PLCB3: variants seen among roughly 807,000 people sequenced by gnomAD.
The protein encoded by PLCB3 is 1-phosphatidylinositol 4,5-bisphosphate phosphodiesterase beta-3.
A neutral mutation model predicts 152.1 loss-of-function variants in PLCB3; 54 were observed. The observed-to-expected ratio is 0.36, with a 90% CI of 0.29 to 0.45. PLCB3 has a LOEUF of 0.45. Among genes scored for constraint, PLCB3 ranks in the 20% least tolerant of loss-of-function variants. The probability of loss-of-function intolerance (pLI) is 1.00; values close to 1 mark genes in which losing one functional copy is unlikely to be tolerated. For missense variants in PLCB3, 1,248 were observed against 1,687.5 expected (o/e 0.74, Z 4.56); for synonymous variants, 717 against 698.7 (o/e 1.03, Z -0.41).
Position 64,255,094 on chromosome 11 carries a change from C to A in PLCB3, c.387+56C>A. 6.4e-7 allele frequency: 1 copy of A among 1,561,426 alleles called. No individual in the cohort carries two copies. Among genetic ancestry groups the A allele is most frequent in the South Asian group, 1.1e-5 (1 of 87,592 alleles). On this transcript the variant is annotated intron_variant, in intron 4 of 30. Coordinates refer to ENST00000279230, the MANE Select transcript of PLCB3 (RefSeq NM_000932.5). The surrounding 1 kb of genome is among the most constrained non-coding windows in gnomAD (Gnocchi z 6.8). ...GTCACTGTCTTATTCTGTGAGTCGG[C>A]CGTCACTTACCGAACACCTGCTGTG...
At position 64,255,094 on chromosome 11, in the gene PLCB3, C is replaced by T; in HGVS notation, c.387+56C>T. 1 of 1,561,422 alleles carries T rather than the reference C, an allele frequency of 6.4e-7. No individual in the cohort carries two copies. The highest frequency in any genetic ancestry group is 1.4e-5 in the African/African-American group (1 of 74,036). Reference sequence around the variant, plus strand: ...GTCACTGTCTTATTCTGTGAGTCGGCCGTCACTTACCGAACACCTGCTGTG... The same window carrying T: ...GTCACTGTCTTATTCTGTGAGTCGGTCGTCACTTACCGAACACCTGCTGTG... On this transcript the variant is annotated intron_variant, in intron 4 of 30. Coordinates refer to ENST00000279230, the MANE Select transcript of PLCB3 (RefSeq NM_000932.5). This position sits in a 1 kb window ranked among gnomAD's most constrained non-coding sequence, Gnocchi z 6.8.
chr11:64,267,815 T>G lies in PLCB3; in HGVS notation c.*259T>G. On this transcript the variant is annotated 3_prime_UTR_variant, in exon 31 of 31. Transcript: ENST00000279230. This position sits in a 1 kb window ranked among gnomAD's most constrained non-coding sequence, Gnocchi z 5.2. Reference sequence around the variant, plus strand: ...CCTCGAGCTAGCAGCGTCTCCTCCCTTCCCCGGGAGAGCTGGCTGGAGACT... The same window carrying G: ...CCTCGAGCTAGCAGCGTCTCCTCCCGTCCCCGGGAGAGCTGGCTGGAGACT... The G allele has an allele frequency of 1.2e-5, 5 of 431,238 alleles. No individual in the cohort carries two copies. The highest frequency in any genetic ancestry group is 2.1e-5 in the African/African-American group (1 of 48,424). The allele number at this position is 431,238 out of a possible 1,614,324, so 26.7% of individuals were successfully genotyped here.
chr11:64,252,322 G>T (rs1183323412), intron 1 of PLCB3, among the ~76,000 whole-genome samples: 1 of 151,558 alleles, frequency 6.6e-6, no homozygotes, highest in Non-Finnish European at 1.5e-5. Context: ...TGGAGACTTT[G>T]CCCCCCAAGT....
chr11:64,254,841 G>A (rs2031431607), intron 3 of PLCB3, 25 bp downstream of exon 3: 2 of 1,613,748 alleles, frequency 1.2e-6, no homozygotes, highest in Non-Finnish European at 1.7e-6. Context: ...TGGGAGTGAA[G>A]ACCACAGCGA....
intron 21 of PLCB3, 109 bp from the exon 22 acceptor site, chr11:64,263,912 G>T (rs1279000715): frequency 1.7e-6 from 2 of 1,186,642 alleles, no homozygotes; most frequent in Non-Finnish European, 2.5e-6. Context: ...ACTGAGTAGG[G>T]AACAGATCTG....
chr11:64,251,779 TC>T, intron 1 of PLCB3, 31 bp downstream of exon 1: 1 of 1,249,336 alleles, frequency 8.0e-7, no homozygotes, highest in Non-Finnish European at 1.1e-6. Flanking sequence ...TCCGCCCAAA[TC>T]CCGGGACTCT....
At chr11:64,254,850 G>A (rs1342540934) in intron 3 of PLCB3, 34 bp downstream of exon 3, 5 of 1,613,678 alleles carry the variant, frequency 3.1e-6, no homozygotes, top group South Asian at 2.2e-5. Context: ...AGACCACAGC[G>A]AGGCTGTGCG....
At chr11:64,259,885 G>C (rs1197151425) in intron 13 of PLCB3, 144 bp from the exon 14 acceptor site, 3 of 679,100 alleles carry the variant, frequency 4.4e-6, no homozygotes, top group Non-Finnish European at 7.6e-6. Context: ...CGACCTCTTG[G>C]CCTCTCCCCA....
At position 64,267,793 on chromosome 11, in the gene PLCB3, C is replaced by G. The variant is rs117423477; in HGVS notation, c.*237C>G. On this transcript the variant is annotated 3_prime_UTR_variant, in exon 31 of 31. Transcript: ENST00000279230. The surrounding 1 kb of genome is among the most constrained non-coding windows in gnomAD (Gnocchi z 5.2). ...TTGCTCCCTGTGACACCCACACCCT[C>G]GAGCTAGCAGCGTCTCCTCCCTTCC... The G allele has an allele frequency of 2.3e-5, 11 of 483,768 alleles. No individual in the cohort carries two copies. In the South Asian group the frequency reaches 3.7e-4, roughly 16 times the overall value. 30.0% of individuals were successfully genotyped at this position (483,768 alleles called of 1,614,324 possible).
chr11:64,266,230 G>A lies in PLCB3; in HGVS notation c.3266+28G>A, dbSNP rs1312889301. On this transcript the variant is annotated intron_variant, in intron 27 of 30. Coordinates refer to ENST00000279230, the MANE Select transcript of PLCB3 (RefSeq NM_000932.5). The surrounding 1 kb of genome is among the most constrained non-coding windows in gnomAD (Gnocchi z 4.9). ...GAAAGCCGAGGATTGTCTATGGGAA[G>A]GGCTGGGGACTTCTAGTACCAGAAG... The A allele has an allele frequency of 6.2e-7, 1 of 1,613,890 alleles. No individual in the cohort carries two copies. The highest frequency in any genetic ancestry group is 1.7e-5 in the Admixed American group (1 of 60,006).
chr11:64,262,076 G>A lies in PLCB3; in HGVS notation c.2038G>A (p.Asp680Asn). The change falls in exon 17 of 31, where the codon GAT becomes AAT. Residue 680 changes from aspartate to asparagine, a missense_variant and splice_region_variant. Transcript: ENST00000279230. ...QLVALNFQTL[D>N]VAMQLNAGVF... ...TGTTGCGCTCAACTTCCAGACCCTC[G>A]GTGAGCCCTGGCCCCCTCCATCTTG... 3 of 1,614,036 alleles carry A rather than the reference G, an allele frequency of 1.9e-6. No homozygotes were observed. The highest frequency in any genetic ancestry group is 2.5e-6 in the Non-Finnish European group (3 of 1,179,990).
At chr11:64,264,267 A>G (rs2032002035) in intron 22 of PLCB3, among the ~76,000 whole-genome samples, 155 bp downstream of exon 22, 1 of 152,168 alleles carries the variant, frequency 6.6e-6, no homozygotes, top group African/African-American at 2.4e-5. Context: ...ACCCATTTGC[A>G]TTCAGGAGGC....
chr11:64,259,868 C>T (rs1257299549), intron 13 of PLCB3, among the ~76,000 whole-genome samples, 161 bp from the exon 14 acceptor site: 1 of 152,178 alleles, frequency 6.6e-6, no homozygotes, highest in Non-Finnish European at 1.5e-5. Context: ...TTAATACCAT[C>T]TGACCTCGAC....
chr11:64,263,378 A>G, intron 19 of PLCB3, 120 bp from the exon 20 acceptor site: 1 of 639,524 alleles, frequency 1.6e-6, no homozygotes, highest in Non-Finnish European at 2.7e-6. Context: ...ACTGATGGTC[A>G]GTAGGTCAGC....
intron 25 of PLCB3, 22 bp from the exon 26 acceptor site, chr11:64,265,863 AC>A (rs1199162564): frequency 7.5e-6 from 12 of 1,609,802 alleles, no homozygotes; most frequent in Admixed American, 1.7e-5. Context: ...CCCAGGCATC[AC>A]CCAGAGGGGT....
Position 64,265,373 on chromosome 11 carries a change from G to A in PLCB3, c.2906G>A (p.Arg969Gln), listed in dbSNP as rs746011802. The A allele has an allele frequency of 8.7e-6, 14 of 1,611,864 alleles. No homozygotes were observed. Among genetic ancestry groups the A allele is most frequent in the Admixed American group, 6.7e-5 (4 of 59,942 alleles). ...AAGGCTCTGGTCAAGCTCCGGAGCC[G>A]GCAAGAGCGAGACCTGCGGGAGCTG... is the stretch of plus-strand genomic sequence containing the variant. ...GHKALVKLRS[R>Q]QERDLRELRK... The change falls in exon 25 of 31, where the codon CGG becomes CAG. Residue 969 changes from arginine to glutamine, a missense_variant. By Grantham distance (43) the Arg-to-Gln change is conservative (BLOSUM62 1). Around this residue, in one of 6 missense-constraint regions of PLCB3, gnomAD observed 477 missense variants for 489.6 expected, o/e 0.97. Coordinates refer to ENST00000279230, the MANE Select transcript of PLCB3 (RefSeq NM_000932.5).
chr11:64,260,746 G>A (rs760443725), intron 14 of PLCB3, among the ~76,000 whole-genome samples: 39 of 134,202 alleles, frequency 2.9e-4, no homozygotes, highest in Admixed American at 7.7e-4. Context: ...GCACTCCAAC[G>A]TGGGCTAAAA....
At chr11:64,254,853 G>T (rs2849004) in intron 3 of PLCB3, 37 bp downstream of exon 3, 1 of 1,613,804 alleles carries the variant, frequency 6.2e-7, no homozygotes, top group South Asian at 1.1e-5. Flanking sequence ...CCACAGCGAG[G>T]CTGTGCGGGA....
chr11:64,266,029 A>C lies in PLCB3; in HGVS notation c.3179A>C (p.His1060Pro). ...VDAEAQRRLE[H>P]LRQALQRLRE... ...GCAGAGGCCCAGCGGAGGCTGGAACACCTGAGACAGGTAGGGGGCCTGCAG... is the reference window on the plus strand; with the variant it reads ...GCAGAGGCCCAGCGGAGGCTGGAACCCCTGAGACAGGTAGGGGGCCTGCAG... Residue 1060 changes from histidine to proline, a missense_variant, in exon 26 of 31, where the codon CAC (histidine) becomes CCC (proline). His to Pro is a moderately conservative substitution (Grantham distance 77). Coordinates refer to ENST00000279230, the MANE Select transcript of PLCB3 (RefSeq NM_000932.5). This position sits in a 1 kb window ranked among gnomAD's most constrained non-coding sequence, Gnocchi z 4.9. 3 of 1,614,006 alleles carry C rather than the reference A, an allele frequency of 1.9e-6. No individual in the cohort carries two copies. The highest frequency in any genetic ancestry group is 2.5e-6 in the Non-Finnish European group (3 of 1,179,992).
Sources: allele counts gnomAD v4.1 joint callset (sites outside exome capture counted in the v4.1 genomes callset), GRCh38; gene constraint gnomAD v4.1.1; regional missense constraint gnomAD v4.1.1; non-coding constraint Gnocchi (gnomAD v3.1); transcripts MANE v1.5; gene names NCBI Gene and HGNC (gene_info 2026-07-23, HGNC 2026-07-21).